The following CELF2 variants were observed in gnomAD, a reference collection of about 807,000 sequenced individuals.
CELF2 encodes the protein CUGBP Elav-like family member 2.
A neutral mutation model predicts 62.6 loss-of-function variants in CELF2; 8 were observed. The observed-to-expected ratio is 0.13, with a 90% CI of 0.07 to 0.23. The LOEUF (loss-of-function observed/expected upper bound fraction) is 0.23. Ranked by LOEUF, CELF2 falls within the 10% of genes least tolerant of loss-of-function variation. The pLI, the probability that CELF2 is intolerant of heterozygous loss-of-function variation, is 1.00. For synonymous variants in CELF2, 258 were observed against 250.0 expected (o/e 1.03, Z -0.30); for missense variants, 333 against 671.0 (o/e 0.50, Z 5.56).
At chr10:11,272,508 G>A (rs959578737) in intron 7 of CELF2, among the ~76,000 whole-genome samples, 2 of 152,148 alleles carry the variant, frequency 1.3e-5, no homozygotes, top group East Asian at 1.9e-4. Flanking sequence ...ACTGAGACAC[G>A]TGTCCACTCT....
intron 4 of CELF2, among the ~76,000 whole-genome samples, chr10:11,252,146 C>T (rs557238748): frequency 6.6e-6 from 1 of 152,284 alleles, no homozygotes; most frequent in South Asian, 2.1e-4. Flanking sequence ...TCTCTTTGGA[C>T]CTGATGGAGG....
rs187112871 is a variant in CELF2 at position 11,011,786 on chromosome 10, G to A, written c.53+6346G>A. ...AAAAATTTCCCCTAATGGACTTCAT[G>A]GGAATTAGCATCAAAAGCAAAGTTA... On this transcript the variant is annotated intron_variant, in intron 1 of 12. Coordinates refer to the CELF2 transcript ENST00000416382. This position sits in a 1 kb window ranked among gnomAD's most constrained non-coding sequence, Gnocchi z 4.6. Among the ~76,000 whole-genome samples, 56 of 152,094 alleles carry A rather than the reference G, an allele frequency of 3.7e-4. No homozygotes were observed. The highest frequency in any genetic ancestry group is 1.3e-3 in the African/African-American group (55 of 41,416).
the CELF2 span, among the ~76,000 whole-genome samples, chr10:10,622,909 A>G: frequency 0.035 from 5,292 of 151,382 alleles, 204 homozygotes; most frequent in African/African-American, 0.099. Flanking sequence ...GTGAAACCCC[A>G]TCTCTACTAA....
intron 2 of CELF2, chr10:10,948,372 T>A (rs947576213): frequency 6.6e-6 from 1 of 152,156 alleles, no homozygotes; most frequent in East Asian, 1.9e-4. Context: ...CAGGAGCATG[T>A]CCTCTGAGCT....
chr10:10,953,334 T>C (rs938570299), intron 2 of CELF2, among the ~76,000 whole-genome samples: 3 of 152,224 alleles, frequency 2.0e-5, no homozygotes, highest in Non-Finnish European at 4.4e-5. Context: ...CTCAATTCAC[T>C]GTTCAGATTA....
chr10:10,623,587 G>A, the CELF2 span, among the ~76,000 whole-genome samples: 1 of 152,238 alleles, frequency 6.6e-6, no homozygotes, highest in South Asian at 2.1e-4. Context: ...ACCTGCTTTA[G>A]TAGCTTCCAG....
At chr10:11,232,140 C>A (rs1294673837) in intron 3 of CELF2, among the ~76,000 whole-genome samples, 1 of 152,076 alleles carries the variant, frequency 6.6e-6, no homozygotes, top group Non-Finnish European at 1.5e-5. Context: ...TATCCCTCCC[C>A]TCTCCCCCCA....
At chr10:10,801,760 T>C (rs1378725569) in intron 1 of CELF2, among the ~76,000 whole-genome samples, 1 of 152,200 alleles carries the variant, frequency 6.6e-6, no homozygotes, top group Non-Finnish European at 1.5e-5. Context: ...CAGTCTAGAG[T>C]TCTGCCAAAC....
the CELF2 span, among the ~76,000 whole-genome samples, chr10:10,504,949 G>A: frequency 1.3e-5 from 2 of 151,800 alleles, no homozygotes; most frequent in African/African-American, 4.8e-5. Context: ...AAGTATGTTT[G>A]TAATTGCTTG....
At chr10:10,890,750 C>G (rs552827289) in intron 1 of CELF2, among the ~76,000 whole-genome samples, 1 of 152,206 alleles carries the variant, frequency 6.6e-6, no homozygotes, top group Non-Finnish European at 1.5e-5. Flanking sequence ...CGCTGTGGCT[C>G]ATGCCTGTAA....
At chr10:10,723,469 T>C in the CELF2 span, among the ~76,000 whole-genome samples, 4 of 152,350 alleles carry the variant, frequency 2.6e-5, no homozygotes, top group African/African-American at 7.2e-5. Context: ...TCTTCAATTC[T>C]TAGTTAATTT....
chr10:10,927,721 GC>G (rs2065669436), intron 2 of CELF2, among the ~76,000 whole-genome samples: 1 of 152,062 alleles, frequency 6.6e-6, no homozygotes, highest in Non-Finnish European at 1.5e-5. Flanking sequence ...GAGGTACCAT[GC>G]CCAACCTAAA....
chr10:11,202,678 T>A (rs2059473867), intron 2 of CELF2, among the ~76,000 whole-genome samples: 1 of 152,216 alleles, frequency 6.6e-6, no homozygotes, highest in Non-Finnish European at 1.5e-5. Context: ...TAGCCACTGT[T>A]TAGACTTGCC....
Position 11,270,593 on chromosome 10 carries a change from C to T in CELF2, c.619-73C>T, listed in dbSNP as rs548206374. 261 of 1,294,932 alleles carry T rather than the reference C, an allele frequency of 2.0e-4. No homozygotes were observed. The highest frequency in any genetic ancestry group is 6.1e-4 in the East Asian group (22 of 35,946). The allele number at this position is 1,294,932 out of a possible 1,614,324, so 80.2% of individuals were successfully genotyped here. A position where few individuals can be genotyped will look rare whatever the true frequency, so the allele number is the denominator to read the frequency against. On this transcript the variant is annotated intron_variant, in intron 6 of 12. Coordinates refer to ENST00000633077, the MANE Select transcript of CELF2 (RefSeq NM_001326342.2). The surrounding 1 kb of genome is among the most constrained non-coding windows in gnomAD (Gnocchi z 5.8). ...CCAGGCTAGTGCAGAAAGGTAGCTCCGGTGCTGAGTGTCGTGAGCGGATTC... is the reference window on the plus strand; with the variant it reads ...CCAGGCTAGTGCAGAAAGGTAGCTCTGGTGCTGAGTGTCGTGAGCGGATTC...
At chr10:11,141,435 G>A (rs1412090686) in intron 1 of CELF2, among the ~76,000 whole-genome samples, 1 of 152,202 alleles carries the variant, frequency 6.6e-6, no homozygotes, top group Non-Finnish European at 1.5e-5. Context: ...CCACAAGAAA[G>A]CTCCTGAAAA....
chr10:10,667,800 G>A, the CELF2 span, among the ~76,000 whole-genome samples: 14 of 152,142 alleles, frequency 9.2e-5, no homozygotes, highest in Non-Finnish European at 2.9e-5. Context: ...ACTCACCAGG[G>A]ACATAGTCCA....
rs1451403558 is a variant in CELF2 at position 11,319,497 on chromosome 10, G to C, written c.1097-1692G>C. ...GGTAATTAGGACAGTCTGCATCCAA[G>C]CTCTTTGGACAGCACTTACTTGCAT... On this transcript the variant is annotated intron_variant, in intron 10 of 12. Transcript: ENST00000633077. The surrounding 1 kb of genome is among the most constrained non-coding windows in gnomAD (Gnocchi z 4.4). Among the ~76,000 whole-genome samples the C allele has an allele frequency of 6.6e-6, 1 of 152,148 alleles. No homozygotes were observed. The highest frequency in any genetic ancestry group is 1.5e-5 in the Non-Finnish European group (1 of 68,032).
chr10:11,183,563 A>G (rs1401010206), intron 2 of CELF2, among the ~76,000 whole-genome samples: 1 of 152,232 alleles, frequency 6.6e-6, no homozygotes, highest in African/African-American at 2.4e-5. Context: ...CCTACCAGCA[A>G]TACCTGAGAG....
At chr10:10,794,409 G>T (rs1246833309), upstream of CELF2, among the ~76,000 whole-genome samples, 1 of 152,028 alleles carries the variant, frequency 6.6e-6, no homozygotes, top group African/African-American at 2.4e-5. Context: ...GGAAGTAACA[G>T]AATTAGGAAT....
Sources: allele counts gnomAD v4.1 joint callset (sites outside exome capture counted in the v4.1 genomes callset), GRCh38; gene constraint gnomAD v4.1.1; non-coding constraint Gnocchi (gnomAD v3.1); transcripts MANE v1.5; gene names NCBI Gene and HGNC (gene_info 2026-07-23, HGNC 2026-07-21).